PFDN1: variants seen among roughly 807,000 people sequenced by gnomAD.
PFDN1 encodes the protein prefoldin subunit 1, also known as prefoldin 1.
A neutral mutation model predicts 17.3 loss-of-function variants in PFDN1; 6 were observed. The observed-to-expected ratio is 0.35, with a 90% CI of 0.19 to 0.69. The LOEUF is 0.69. Among genes scored for constraint, PFDN1 ranks in the 30% least tolerant of loss-of-function variants. The probability of loss-of-function intolerance (pLI) is 0.65; values close to 1 mark genes in which losing one functional copy is unlikely to be tolerated. For synonymous variants in PFDN1, 58 were observed against 50.1 expected, an observed-to-expected ratio of 1.16 and a Z score of -0.67; for missense variants, 113 against 146.2, an observed-to-expected ratio of 0.77 and a Z score of 1.17.
chr5:140,262,241 G>A (rs151113046), intron 3 of PFDN1, among the ~76,000 whole-genome samples: 5 of 152,194 alleles, frequency 3.3e-5, no homozygotes, highest in Admixed American at 3.3e-4. Flanking sequence ...ATAAGAAAAG[G>A]ACCACAAATT....
chr5:140,264,057 A>AAAAAAAAAAAAAC, intron 3 of PFDN1, among the ~76,000 whole-genome samples: 1 of 133,958 alleles, frequency 7.5e-6, no homozygotes. Context: ...AAAAAAAAAA[A>AAAAAAAAAAAAAC]AATCACGGTA....
chr5:140,279,925 G>A (rs1422457066), intron 3 of PFDN1, among the ~76,000 whole-genome samples: 3 of 145,780 alleles, frequency 2.1e-5, no homozygotes, highest in Admixed American at 6.9e-5. Flanking sequence ...AAGCCAGGAG[G>A]CGGAGGTAGC....
chr5:140,253,497 C>A (rs1199394664), intron 3 of PFDN1, among the ~76,000 whole-genome samples: 3 of 152,212 alleles, frequency 2.0e-5, no homozygotes, highest in Non-Finnish European at 4.4e-5. Context: ...CTACCTACTG[C>A]TGCCCTCCCT....
chr5:140,263,964 T>C (rs1282221890), intron 3 of PFDN1, among the ~76,000 whole-genome samples: 1 of 128,216 alleles, frequency 7.8e-6, no homozygotes, highest in Non-Finnish European at 1.6e-5. Flanking sequence ...GAGCTTGCAG[T>C]GAGCCGAGAT....
At chr5:140,266,952 T>C (rs1413566012) in intron 3 of PFDN1, among the ~76,000 whole-genome samples, 1 of 152,214 alleles carries the variant, frequency 6.6e-6, no homozygotes, top group Non-Finnish European at 1.5e-5. Context: ...GCAGGTGTAC[T>C]GGAATCACAC....
intron 2 of PFDN1, among the ~76,000 whole-genome samples, chr5:140,285,740 T>G (rs1765477601): frequency 6.6e-6 from 1 of 152,182 alleles, no homozygotes; most frequent in African/African-American, 2.4e-5. Context: ...AATTCAGGAA[T>G]GTAAGACAGC....
chr5:140,255,153 A>G lies in PFDN1; in HGVS notation c.286-9096T>C, dbSNP rs575346430. ...ATTTCATGCTTTGTCTTGTCTCCTC[A>G]AATCGCCTATTCTCCCTCCTCTCAG... On this transcript the variant is annotated intron_variant, in intron 3 of 3. Coordinates refer to ENST00000261813, the MANE Select transcript of PFDN1 (RefSeq NM_002622.5). Among the ~76,000 whole-genome samples the G allele has an allele frequency of 4.2e-4, 64 of 152,300 alleles. 2 individuals carry two copies. The highest frequency in any genetic ancestry group is 1.5e-5 in the Non-Finnish European group (1 of 68,026).
intron 3 of PFDN1, among the ~76,000 whole-genome samples, chr5:140,259,343 G>C (rs1454483945): frequency 1.3e-5 from 2 of 152,192 alleles, no homozygotes; most frequent in Admixed American, 1.3e-4. Flanking sequence ...TCTTCAATGA[G>C]ACATTGGGTT....
intron 2 of PFDN1, among the ~76,000 whole-genome samples, chr5:140,283,026 T>A (rs187662216): frequency 4.2e-4 from 64 of 152,164 alleles, no homozygotes; most frequent in Non-Finnish European, 7.1e-4. Context: ...TGTGCCTAGG[T>A]GGGTTCTTAT....
chr5:140,261,219 C>G (rs1477600012), intron 3 of PFDN1, among the ~76,000 whole-genome samples: 1 of 150,896 alleles, frequency 6.6e-6, no homozygotes, highest in East Asian at 1.9e-4. Context: ...CATTAAATCT[C>G]TGTGTCTGAA....
At chr5:140,301,490 T>C (rs1765745648) in intron 1 of PFDN1, among the ~76,000 whole-genome samples, 1 of 152,210 alleles carries the variant, frequency 6.6e-6, no homozygotes, top group South Asian at 2.1e-4. Context: ...CAAAGGCTAC[T>C]ACATAATTTT....
chr5:140,255,364 G>A (rs529052853), intron 3 of PFDN1, among the ~76,000 whole-genome samples: 1 of 152,228 alleles, frequency 6.6e-6, no homozygotes, highest in South Asian at 2.1e-4. Context: ...ATCACTTGAG[G>A]GAAGGAGTTT....
intron 3 of PFDN1, among the ~76,000 whole-genome samples, chr5:140,278,559 A>G (rs1765337623): frequency 7.5e-5 from 1 of 13,262 alleles, no homozygotes; most frequent in Non-Finnish European, 1.3e-4. Context: ...CTCTGTCTCA[A>G]AAAAAAAAAA....
chr5:140,290,712 T>C (rs1187887911), intron 2 of PFDN1, among the ~76,000 whole-genome samples: 1 of 152,190 alleles, frequency 6.6e-6, no homozygotes, highest in African/African-American at 2.4e-5. Context: ...TTTAGAGTGA[T>C]GAAAATGTTC....
At chr5:140,259,960 T>C (rs1467475339) in intron 3 of PFDN1, among the ~76,000 whole-genome samples, 1 of 152,192 alleles carries the variant, frequency 6.6e-6, no homozygotes, top group African/African-American at 2.4e-5. Context: ...AAAAAGCACA[T>C]GAAAAGCTGT....
At chr5:140,262,232 TAAG>T (rs2126682273) in intron 3 of PFDN1, among the ~76,000 whole-genome samples, 1 of 152,322 alleles carries the variant, frequency 6.6e-6, no homozygotes, top group African/African-American at 2.4e-5. Flanking sequence ...TATCATTTTA[TAAG>T]AAAAGGACCA....
intron 3 of PFDN1, among the ~76,000 whole-genome samples, chr5:140,248,402 G>A (rs1764863438): frequency 6.6e-6 from 1 of 151,778 alleles, no homozygotes; most frequent in African/African-American, 2.4e-5. Flanking sequence ...GTGGTGAGCT[G>A]AAAAAAGGCA....
chr5:140,280,050 A>C (rs182173533), intron 3 of PFDN1, among the ~76,000 whole-genome samples: 309 of 151,396 alleles, frequency 2.0e-3, no homozygotes, highest in Non-Finnish European at 3.6e-3. Flanking sequence ...AGAAAGAAAA[A>C]GAAAAAATCA....
At chr5:140,299,590 T>C (rs577963188) in intron 2 of PFDN1, among the ~76,000 whole-genome samples, 83 of 148,498 alleles carry the variant, frequency 5.6e-4, no homozygotes, top group African/African-American at 2.0e-3. Context: ...AGCGAGACTC[T>C]GTCTCAAAAA....
Sources: allele counts gnomAD v4.1 joint callset (sites outside exome capture counted in the v4.1 genomes callset), GRCh38; gene constraint gnomAD v4.1.1; transcripts MANE v1.5; gene names NCBI Gene and HGNC (gene_info 2026-07-23, HGNC 2026-07-21).